Variants in TUBA4A observed in about 807,000 individuals in gnomAD.
The protein encoded by TUBA4A is tubulin alpha 4a.
TUBA4A carries 23 observed loss-of-function variants against 34.3 expected under a neutral mutation model. The ratio of observed to expected loss-of-function variants is 0.67; its 90% CI spans 0.48 to 0.95. TUBA4A has a LOEUF of 0.95. Ranked by LOEUF, TUBA4A falls within the 40% of genes least tolerant of loss-of-function variation. TUBA4A has a pLI of 0.00. For synonymous variants in TUBA4A, 216 were observed against 230.5 expected (o/e 0.94, Z 0.57); for missense variants, 279 against 599.0 (o/e 0.47, Z 5.58).
chr2:219,252,275 A>T lies in TUBA4A; in HGVS notation c.4-45T>A. ...GACACAGCATGAGCCCCACATCCACAAGTCCTCACCTTGCGAGTCTCTCTT... is the reference window on the plus strand; with the variant it reads ...GACACAGCATGAGCCCCACATCCACTAGTCCTCACCTTGCGAGTCTCTCTT... On this transcript the variant is annotated intron_variant, in intron 1 of 3. Coordinates refer to ENST00000248437, the MANE Select transcript of TUBA4A (RefSeq NM_006000.3). The surrounding 1 kb of genome is among the most constrained non-coding windows in gnomAD (Gnocchi z 4.1). 6.4e-7 allele frequency: 1 copy of T among 1,556,266 alleles called. No homozygotes were observed. Among genetic ancestry groups the T allele is most frequent in the Non-Finnish European group, 8.8e-7 (1 of 1,130,920 alleles).
rs575169424 is a variant in TUBA4A, at chr2:219,251,153, G to C, written c.546C>G (p.Val182=). Residue 182 remains valine (V), a synonymous_variant, in exon 4 of 4, where the codon GTC becomes GTG. Transcript: ENST00000248437. This position sits in a 1 kb window ranked among gnomAD's most constrained non-coding sequence, Gnocchi z 6.1. ...YPAPQVSTAV[V]EPYNSILTTH... ...TGGTCAGGATAGAGTTGTAGGGCTC[G>C]ACCACGGCTGTAGACACCTGGGGGG... 3.7e-6 allele frequency: 6 copies of C among 1,614,120 alleles called. No individual in the cohort carries two copies. The highest frequency in any genetic ancestry group is 1.1e-5 in the South Asian group (1 of 91,078).
In TUBA4A at chr2:219,251,403, A is replaced by T; in HGVS notation, c.376-80T>A. 6.5e-7 allele frequency: 1 copy of T among 1,542,934 alleles called. No homozygotes were observed. Among genetic ancestry groups the T allele is most frequent in the South Asian group, 1.3e-5 (1 of 79,212 alleles). ...TCTATCACCTGGCTCCATAAAGCGT[A>T]AGATACATCAGCAGTCAGGGCAAAT... On this transcript the variant is annotated intron_variant, in intron 3 of 3. Transcript: ENST00000248437. This position sits in a 1 kb window ranked among gnomAD's most constrained non-coding sequence, Gnocchi z 6.1.
In TUBA4A at chr2:219,251,793, A is replaced by G; in HGVS notation, c.227-80T>C. 1.3e-6 allele frequency: 2 copies of G among 1,530,634 alleles called. No individual in the cohort carries two copies. Among genetic ancestry groups the G allele is most frequent in the South Asian group, 2.5e-5 (2 of 80,358 alleles). 94.8% of individuals were successfully genotyped at this position (1,530,634 alleles called of 1,614,324 possible). A position where few individuals can be genotyped will look rare whatever the true frequency, so the allele number is the denominator to read the frequency against. The stretch of plus-strand genomic sequence containing the variant: ...GTGGTAGCTGTGGCCAGATGCATGG[A>G]AGGACTCATCCTCCTGCCAGCCTGA... On this transcript the variant is annotated intron_variant, in intron 2 of 3. Coordinates refer to ENST00000248437, the MANE Select transcript of TUBA4A (RefSeq NM_006000.3). This position sits in a 1 kb window ranked among gnomAD's most constrained non-coding sequence, Gnocchi z 6.1.
In TUBA4A at chr2:219,250,108, C is replaced by G; in HGVS notation, c.*244G>C. 1.7e-6 allele frequency: 1 copy of G among 582,794 alleles called. No individual in the cohort carries two copies. The highest frequency in any genetic ancestry group is 3.0e-6 in the Non-Finnish European group (1 of 331,216). The allele number at this position is 582,794 out of a possible 1,614,324, so 36.1% of individuals were successfully genotyped here. ...TCATTTCCTCCCTATACTGAGTAAC[C>G]CTAGGACTTCAATTTAAAGTCCCTG... On this transcript the variant is annotated 3_prime_UTR_variant, in exon 4 of 4. Coordinates refer to ENST00000248437, the MANE Select transcript of TUBA4A (RefSeq NM_006000.3). The surrounding 1 kb of genome is among the most constrained non-coding windows in gnomAD (Gnocchi z 8.4).
Position 219,251,919 on chromosome 2 carries a change from G to C in TUBA4A, c.226+89C>G. 1 of 1,442,258 alleles carries C rather than the reference G, an allele frequency of 6.9e-7. No homozygotes were observed. The allele number at this position is 1,442,258 out of a possible 1,614,324, so 89.3% of individuals were successfully genotyped here. On this transcript the variant is annotated intron_variant, in intron 2 of 3. Transcript: ENST00000248437. The surrounding 1 kb of genome is among the most constrained non-coding windows in gnomAD (Gnocchi z 6.1). ...GTACGGCTAGGAATTTTCAGGGCTA[G>C]GAATGCCTGGTCTAAATACCCTCTC...
rs1321148994 is a variant in TUBA4A at position 219,252,591 on chromosome 2, T to A, written c.4-361A>T. Among the ~76,000 whole-genome samples the A allele has an allele frequency of 6.6e-6, 1 of 150,552 alleles. No homozygotes were observed. The highest frequency in any genetic ancestry group is 1.5e-5 in the Non-Finnish European group (1 of 67,734). On this transcript the variant is annotated intron_variant, in intron 1 of 3. Coordinates refer to ENST00000248437, the MANE Select transcript of TUBA4A (RefSeq NM_006000.3). This position sits in a 1 kb window ranked among gnomAD's most constrained non-coding sequence, Gnocchi z 4.1. ...TGCTTTGAGTATGAACAGCTAGAAT[T>A]CATAGAACCCTTTCCCTCTTTCTTT... is the stretch of plus-strand genomic sequence containing the variant.
intron 1 of TUBA4A, chr2:219,253,356 G>GA: frequency 6.8e-7 from 1 of 1,462,320 alleles, no homozygotes. Flanking sequence ...CTGAGTCACG[G>GA]GGGGGGGGTG....
In TUBA4A at chr2:219,250,243, AG is replaced by A. The variant is rs1369088108; in HGVS notation, c.*108del. The stretch of plus-strand genomic sequence containing the variant: ...CAGAGCAGCAGCAGCATGAAGGGGA[AG>A]GCAGCAGAAGCTCAAGCACTCAGAG... On this transcript the variant is annotated 3_prime_UTR_variant, in exon 4 of 4. Coordinates refer to ENST00000248437, the MANE Select transcript of TUBA4A (RefSeq NM_006000.3). This position sits in a 1 kb window ranked among gnomAD's most constrained non-coding sequence, Gnocchi z 8.4. The A allele has an allele frequency of 6.9e-7, 1 of 1,445,196 alleles. No homozygotes were observed. The highest frequency in any genetic ancestry group is 1.4e-5 in the African/African-American group (1 of 70,380). The allele number at this position is 1,445,196 out of a possible 1,614,324, so 89.5% of individuals were successfully genotyped here. A position where few individuals can be genotyped will look rare whatever the true frequency, so the allele number is the denominator to read the frequency against.
chr2:219,251,370 T>G lies in TUBA4A; in HGVS notation c.376-47A>C. On this transcript the variant is annotated intron_variant, in intron 3 of 3. Coordinates refer to ENST00000248437, the MANE Select transcript of TUBA4A (RefSeq NM_006000.3). This position sits in a 1 kb window ranked among gnomAD's most constrained non-coding sequence, Gnocchi z 6.1. ...GAACAGTTTAGGTAGGGGAGGGGCC[T>G]GAGGGACTCTATCACCTGGCTCCAT... 3.2e-6 allele frequency: 5 copies of G among 1,554,834 alleles called. No individual in the cohort carries two copies. The highest frequency in any genetic ancestry group is 4.3e-6 in the Non-Finnish European group (5 of 1,149,864).
chr2:219,252,792 C>T lies in TUBA4A; in HGVS notation c.4-562G>A, dbSNP rs1170502447. 4.2e-6 allele frequency: 2 copies of T among 471,754 alleles called. No individual in the cohort carries two copies. The highest frequency in any genetic ancestry group is 2.0e-5 in the African/African-American group (1 of 50,094). 29.2% of individuals were successfully genotyped at this position (471,754 alleles called of 1,614,324 possible). On this transcript the variant is annotated intron_variant, in intron 1 of 3. Coordinates refer to ENST00000248437, the MANE Select transcript of TUBA4A (RefSeq NM_006000.3). This position sits in a 1 kb window ranked among gnomAD's most constrained non-coding sequence, Gnocchi z 4.1. ...GGGTGTCTTCACCACTTTCATCTCC[C>T]GTGTCAGCCCGCACGGAAATAGCGG...
In TUBA4A at chr2:219,251,481, ACCT is replaced by A. The variant is rs558007006; in HGVS notation, c.375+81_375+83del. On this transcript the variant is annotated intron_variant, in intron 3 of 3. Transcript: ENST00000248437. The surrounding 1 kb of genome is among the most constrained non-coding windows in gnomAD (Gnocchi z 6.1). The stretch of plus-strand genomic sequence containing the variant: ...TCGAGACCATGTATAGTTAGAGATG[ACCT>A]CCTGAAAGGATCTGAAAAAAAATAT... 9 of 1,553,118 alleles carry A rather than the reference ACCT, an allele frequency of 5.8e-6. No homozygotes were observed. The highest frequency in any genetic ancestry group is 7.9e-6 in the Non-Finnish European group (9 of 1,144,634).
In TUBA4A at chr2:219,251,832, G is replaced by A. The variant is rs1016813062; in HGVS notation, c.227-119C>T. On this transcript the variant is annotated intron_variant, in intron 2 of 3. Coordinates refer to ENST00000248437, the MANE Select transcript of TUBA4A (RefSeq NM_006000.3). The surrounding 1 kb of genome is among the most constrained non-coding windows in gnomAD (Gnocchi z 6.1). ...CTGCCAGCCTGAGATACCAGAGTGT[G>A]AGAGAAACCCAGACCAGCTGCCCAG... 6.3e-6 allele frequency: 9 copies of A among 1,429,860 alleles called. No homozygotes were observed. The East Asian group carries it at 1.7e-4, about 27-fold the overall frequency. 88.6% of individuals were successfully genotyped at this position (1,429,860 alleles called of 1,614,324 possible). A position where few individuals can be genotyped will look rare whatever the true frequency, so the allele number is the denominator to read the frequency against.
chr2:219,250,531 G>A lies in TUBA4A; in HGVS notation c.1168C>T (p.Arg390Cys), dbSNP rs1951629715. Reference protein sequence around the residue: ...NTTAIAEAWARLDHKFDLMYA... With the variant: ...NTTAIAEAWACLDHKFDLMYA... ...ATCAGGTCGAACTTGTGGTCCAGGC[G>A]GGCCCAGGCCTCGGCGATGGCGGTC... is the stretch of plus-strand genomic sequence containing the variant. Residue 390 changes from arginine to cysteine, a missense_variant, in exon 4 of 4, where the codon CGC becomes TGC. Arg to Cys is a radical substitution (Grantham distance 180). This residue lies in a region of TUBA4A where 73 missense variants were observed against 128.0 expected (regional missense o/e 0.57). Transcript: ENST00000248437. This position sits in a 1 kb window ranked among gnomAD's most constrained non-coding sequence, Gnocchi z 8.4. 4.3e-6 allele frequency: 7 copies of A among 1,614,012 alleles called. No homozygotes were observed. Among genetic ancestry groups the A allele is most frequent in the African/African-American group, 1.3e-5 (1 of 74,884 alleles).
At chr2:219,254,035 C>T (rs968347235), upstream of TUBA4A, 3 of 559,982 alleles carry the variant, frequency 5.4e-6, no homozygotes, top group South Asian at 4.0e-5. Context: ...GGGTAAGCGG[C>T]CCCCCCGAGG....
intron 1 of TUBA4A, chr2:219,253,454 A>C: frequency 6.8e-7 from 1 of 1,461,058 alleles, no homozygotes; most frequent in Non-Finnish European, 9.3e-7. Context: ...AGCGCCAAGC[A>C]CGTGCTCGGT....
chr2:219,253,964 G>C, upstream of TUBA4A: 4 of 1,061,250 alleles, frequency 3.8e-6, no homozygotes, highest in Non-Finnish European at 5.0e-6. Context: ...GGGGGGGCGG[G>C]GCCCGCGTTC....
intron 1 of TUBA4A, 112 bp downstream of exon 1, chr2:219,253,744 C>T: frequency 1.2e-5 from 16 of 1,338,560 alleles, no homozygotes; most frequent in Non-Finnish European, 1.5e-5. Context: ...CCTCGCACCT[C>T]CTGGAGACCC....
Position 219,250,117 on chromosome 2 carries a change from T to G in TUBA4A, c.*235A>C. The G allele has an allele frequency of 1.6e-6, 1 of 613,458 alleles. No homozygotes were observed. The highest frequency in any genetic ancestry group is 2.8e-6 in the Non-Finnish European group (1 of 353,026). 38.0% of individuals were successfully genotyped at this position (613,458 alleles called of 1,614,324 possible). ...CCCTATACTGAGTAACCCTAGGACT[T>G]CAATTTAAAGTCCCTGGGGTTATGC... is the stretch of plus-strand genomic sequence containing the variant. On this transcript the variant is annotated 3_prime_UTR_variant, in exon 4 of 4. Transcript: ENST00000248437. This position sits in a 1 kb window ranked among gnomAD's most constrained non-coding sequence, Gnocchi z 8.4.
rs1261955675 is a variant in TUBA4A, at chr2:219,250,691, C to T, written c.1008G>A (p.Lys336=). ...KDVNAAIAAI[K]TKRSIQFVDW... ...CCACAAACTGAATGCTGCGCTTGGTCTTGATGGCGGCAATGGCAGCGTTGA... is the reference window on the plus strand; with the variant it reads ...CCACAAACTGAATGCTGCGCTTGGTTTTGATGGCGGCAATGGCAGCGTTGA... Residue 336 remains lysine, a synonymous_variant, in exon 4 of 4, where the codon AAG becomes AAA. Transcript: ENST00000248437. This position sits in a 1 kb window ranked among gnomAD's most constrained non-coding sequence, Gnocchi z 8.4. 6.2e-7 allele frequency: 1 copy of T among 1,614,238 alleles called. No homozygotes were observed. The highest frequency in any genetic ancestry group is 1.7e-5 in the Admixed American group (1 of 60,026).
Sources: gnomAD v4.1 joint callset for allele counts (sites outside exome capture counted in the v4.1 genomes callset) on GRCh38, gnomAD v4.1.1 for gene constraint, gnomAD v4.1.1 regional missense constraint, Gnocchi (gnomAD v3.1) non-coding constraint, MANE v1.5 for transcripts, NCBI Gene and HGNC (gene_info 2026-07-23, HGNC 2026-07-21) for gene names.